The following GRM7 variants were observed in gnomAD, a reference collection of about 807,000 sequenced individuals.
The protein encoded by GRM7 is metabotropic glutamate receptor 7.
In GRM7, 35 loss-of-function variants were observed where a neutral mutation model predicts 84.5. That is an observed-to-expected ratio of 0.41 (90% CI 0.32 to 0.55). The LOEUF is 0.55. Among genes scored for constraint, GRM7 ranks in the 20% least tolerant of loss-of-function variants. The pLI is 0.19. For missense variants in GRM7, 1,003 were observed against 1,194.6 expected (o/e 0.84, Z 2.36); for synonymous variants, 487 against 455.1 (o/e 1.07, Z -0.89).
chr3:7,068,492 G>C (rs553524354), intron 1 of GRM7, among the ~76,000 whole-genome samples: 2 of 151,962 alleles, frequency 1.3e-5, no homozygotes, highest in Non-Finnish European at 2.9e-5. Flanking sequence ...TGTATTTCAT[G>C]ATCTTCTATA....
chr3:7,623,288 T>A (rs1697447036), intron 8 of GRM7, among the ~76,000 whole-genome samples: 1 of 152,140 alleles, frequency 6.6e-6, no homozygotes, highest in Non-Finnish European at 1.5e-5. Flanking sequence ...TGTGCAGAAT[T>A]GAAGAGGGAC....
chr3:7,532,727 A>C (rs1352355798), intron 7 of GRM7, among the ~76,000 whole-genome samples: 3 of 147,792 alleles, frequency 2.0e-5, no homozygotes, highest in Non-Finnish European at 4.5e-5. Context: ...TGTCAATTTT[A>C]GATCTTTCCT....
chr3:6,976,540 T>G (rs1385774091), intron 1 of GRM7, among the ~76,000 whole-genome samples: 1 of 152,194 alleles, frequency 6.6e-6, no homozygotes, highest in Non-Finnish European at 1.5e-5. Flanking sequence ...AACTAAGGAT[T>G]AATTAATCTT....
At chr3:7,292,467 TG>T (rs540043558) in intron 2 of GRM7, among the ~76,000 whole-genome samples, 231 of 152,160 alleles carry the variant, frequency 1.5e-3, no homozygotes, top group African/African-American at 5.4e-3. Flanking sequence ...TGATTTGGGG[TG>T]AGTTATTTAA....
intron 2 of GRM7, among the ~76,000 whole-genome samples, chr3:7,268,964 C>T (rs535689747): frequency 2.0e-5 from 3 of 152,196 alleles, no homozygotes; most frequent in Non-Finnish European, 2.9e-5. Context: ...GGAGGGAGAG[C>T]GTAGTCAGTA....
At chr3:7,393,231 C>T (rs1695072632) in intron 4 of GRM7, among the ~76,000 whole-genome samples, 1 of 152,178 alleles carries the variant, frequency 6.6e-6, no homozygotes, top group Non-Finnish European at 1.5e-5. Context: ...CTATAGGTTC[C>T]CAGTGTCTCA....
At chr3:7,448,680 A>G (rs1376980014) in intron 5 of GRM7, among the ~76,000 whole-genome samples, 2 of 152,220 alleles carry the variant, frequency 1.3e-5, no homozygotes, top group African/African-American at 4.8e-5. Context: ...TTCAAGTCCT[A>G]TTAGCTCCAA....
intron 8 of GRM7, among the ~76,000 whole-genome samples, chr3:7,641,319 A>C (rs895429791): frequency 7.9e-5 from 12 of 152,228 alleles, no homozygotes; most frequent in Non-Finnish European, 1.6e-4. Flanking sequence ...TAGGAATTAC[A>C]GACAGAAAGA....
intron 4 of GRM7, among the ~76,000 whole-genome samples, chr3:7,369,557 T>C (rs984945765): frequency 2.0e-5 from 3 of 152,124 alleles, no homozygotes; most frequent in African/African-American, 7.2e-5. Flanking sequence ...GCTAAAACTT[T>C]GGAGTTCTAT....
chr3:7,256,572 T>C (rs1698209215), intron 2 of GRM7, among the ~76,000 whole-genome samples: 1 of 152,070 alleles, frequency 6.6e-6, no homozygotes, highest in Non-Finnish European at 1.5e-5. Context: ...GAGGTAGTAA[T>C]ATGGCTATTT....
intron 2 of GRM7, among the ~76,000 whole-genome samples, chr3:7,255,988 C>T (rs1575087577): frequency 6.6e-6 from 1 of 152,156 alleles, no homozygotes; most frequent in African/African-American, 2.4e-5. Context: ...TGCCTTTCAC[C>T]AGCCCACAGT....
At chr3:7,608,329 A>G (rs1250045425) in intron 8 of GRM7, among the ~76,000 whole-genome samples, 1 of 152,178 alleles carries the variant, frequency 6.6e-6, no homozygotes, top group East Asian at 1.9e-4. Flanking sequence ...GAGCTAATTT[A>G]CACTCCCACC....
intron 2 of GRM7, among the ~76,000 whole-genome samples, chr3:7,279,233 T>G (rs553339264): frequency 6.6e-6 from 1 of 152,294 alleles, no homozygotes; most frequent in South Asian, 2.1e-4. Flanking sequence ...CTCCATTTAT[T>G]TTACATAATA....
At chr3:7,518,750 G>A (rs1197623365) in intron 7 of GRM7, among the ~76,000 whole-genome samples, 1 of 152,156 alleles carries the variant, frequency 6.6e-6, no homozygotes, top group African/African-American at 2.4e-5. Context: ...TAGTAAGAAG[G>A]TTAGCAGTAA....
intron 5 of GRM7, among the ~76,000 whole-genome samples, chr3:7,423,731 A>C (rs993237064): frequency 6.6e-6 from 1 of 151,140 alleles, no homozygotes; most frequent in Non-Finnish European, 1.5e-5. Context: ...TTTTCTACAG[A>C]ATAAAATGTG....
At chr3:7,296,197 T>G (rs1384918287) in intron 2 of GRM7, among the ~76,000 whole-genome samples, 1 of 152,072 alleles carries the variant, frequency 6.6e-6, no homozygotes, top group African/African-American at 2.4e-5. Context: ...TAATGATTGA[T>G]TTTTCAAATA....
chr3:7,614,222 G>T (rs1696977106), intron 8 of GRM7, among the ~76,000 whole-genome samples: 1 of 152,168 alleles, frequency 6.6e-6, no homozygotes, highest in Non-Finnish European at 1.5e-5. Context: ...CTGAGTTCAT[G>T]CCACTGCACT....
chr3:7,682,539 TAC>T (rs35042061), intron 9 of GRM7, among the ~76,000 whole-genome samples: 3,974 of 117,552 alleles, frequency 0.034, 110 homozygotes, highest in African/African-American at 0.1. Flanking sequence ...TTTATTTTTG[TAC>T]ACACACACAC....
intron 2 of GRM7, among the ~76,000 whole-genome samples, chr3:7,267,820 T>G (rs1459918197): frequency 6.6e-6 from 1 of 152,208 alleles, no homozygotes; most frequent in African/African-American, 2.4e-5. Flanking sequence ...GCTCTTTGCC[T>G]GAGGGTTGGT....
Sources: gnomAD v4.1 joint callset for allele counts (sites outside exome capture counted in the v4.1 genomes callset) on GRCh38, gnomAD v4.1.1 for gene constraint, MANE v1.5 for transcripts, NCBI Gene and HGNC (gene_info 2026-07-23, HGNC 2026-07-21) for gene names.